Variants in KDM2A observed in about 807,000 individuals in gnomAD.
The protein encoded by KDM2A is lysine demethylase 2A.
KDM2A carries 3 observed loss-of-function variants against 137.3 expected under a neutral mutation model. That is an observed-to-expected ratio of 0.02 (90% CI 0.01 to 0.06). The LOEUF (loss-of-function observed/expected upper bound fraction) is 0.06. Among genes scored for constraint, KDM2A ranks in the 10% least tolerant of loss-of-function variants. KDM2A has a pLI of 1.00. For missense variants in KDM2A, 738 were observed against 1,510.6 expected, an observed-to-expected ratio of 0.49 and a Z score of 8.48; for synonymous variants, 512 against 541.5, an observed-to-expected ratio of 0.95 and a Z score of 0.76.
At chr11:67,120,806 T>C (rs1233887024) in intron 1 of KDM2A, among the ~76,000 whole-genome samples, 1 of 152,236 alleles carries the variant, frequency 6.6e-6, no homozygotes, top group Non-Finnish European at 1.5e-5. Flanking sequence ...TTTGCCCTTC[T>C]TTCCTTTAGT....
chr11:67,247,072 T>TATATATATATATATA (rs1491570916), intron 15 of KDM2A, among the ~76,000 whole-genome samples: 4 of 18,342 alleles, frequency 2.2e-4, no homozygotes, highest in East Asian at 1.5e-3. Flanking sequence ...TATATATATA[T>TATATATATATATATA]TTTTTTTTTT....
chr11:67,174,978 G>A (rs530119513), intron 2 of KDM2A, among the ~76,000 whole-genome samples: 126 of 152,236 alleles, frequency 8.3e-4, no homozygotes, highest in Admixed American at 2.0e-3. Context: ...CTAAAATCAC[G>A]TATATGAAAA....
chr11:67,143,020 C>CTTTTT (rs1194089199), intron 2 of KDM2A, among the ~76,000 whole-genome samples: 2 of 126,434 alleles, frequency 1.6e-5, no homozygotes, highest in Admixed American at 8.0e-5. Flanking sequence ...TATATCTATT[C>CTTTTT]TTTTTTTTTT....
At chr11:67,147,466 T>G (rs1230542173) in intron 2 of KDM2A, among the ~76,000 whole-genome samples, 1 of 150,328 alleles carries the variant, frequency 6.7e-6, no homozygotes, top group Non-Finnish European at 1.5e-5. Context: ...GGCATGAACC[T>G]GGGAGGTGGA....
chr11:67,220,337 A>T (rs1273368611), intron 10 of KDM2A, among the ~76,000 whole-genome samples: 1 of 152,190 alleles, frequency 6.6e-6, no homozygotes, highest in South Asian at 2.1e-4. Context: ...ATAAGGCCAG[A>T]CATTTACCTC....
chr11:67,223,804 C>G (rs988231126), intron 10 of KDM2A, among the ~76,000 whole-genome samples: 2 of 152,030 alleles, frequency 1.3e-5, no homozygotes, highest in Non-Finnish European at 2.9e-5. Context: ...TAATAAAAAC[C>G]CTTCCAGAAA....
At chr11:67,215,540 C>A in intron 7 of KDM2A, 94 bp downstream of exon 7, 1 of 785,670 alleles carries the variant, frequency 1.3e-6, no homozygotes. Context: ...TGCTCTGTGT[C>A]TTGAATGATT....
intron 2 of KDM2A, among the ~76,000 whole-genome samples, chr11:67,167,345 A>G (rs973886544): frequency 1.3e-5 from 2 of 152,180 alleles, no homozygotes; most frequent in Non-Finnish European, 2.9e-5. Context: ...AGTTGATTAT[A>G]CCTGATGGTA....
intron 2 of KDM2A, among the ~76,000 whole-genome samples, chr11:67,167,650 C>G (rs143452376): frequency 1.3e-5 from 2 of 151,352 alleles, no homozygotes; most frequent in Non-Finnish European, 2.9e-5. Context: ...GACTTAGGTA[C>G]GCATAAGCTT....
At chr11:67,199,496 A>ATCAC (rs1476065841) in intron 5 of KDM2A, among the ~76,000 whole-genome samples, 12 of 152,362 alleles carry the variant, frequency 7.9e-5, no homozygotes, top group African/African-American at 2.2e-4. Flanking sequence ...AAACAGCCTT[A>ATCAC]TCACTGATAA....
At chr11:67,188,570 T>G (rs1028121841) in intron 5 of KDM2A, among the ~76,000 whole-genome samples, 4 of 150,372 alleles carry the variant, frequency 2.7e-5, no homozygotes, top group African/African-American at 9.8e-5. Context: ...GCGGGAAGAT[T>G]GCTTAAGCCC....
intron 10 of KDM2A, among the ~76,000 whole-genome samples, chr11:67,227,430 G>A (rs1440248222): frequency 6.6e-6 from 1 of 151,982 alleles, no homozygotes; most frequent in East Asian, 1.9e-4. Flanking sequence ...AGAGTACTTT[G>A]CATGCCTTTT....
intron 5 of KDM2A, among the ~76,000 whole-genome samples, chr11:67,198,176 C>G (rs1857527015): frequency 6.6e-6 from 1 of 152,110 alleles, no homozygotes; most frequent in African/African-American, 2.4e-5. Flanking sequence ...TAGTTCAAAC[C>G]AGTGTTGTTC....
At chr11:67,184,097 C>CA (rs34270166) in intron 5 of KDM2A, among the ~76,000 whole-genome samples, 10,421 of 65,976 alleles carry the variant, frequency 0.16, 729 homozygotes, top group African/African-American at 0.29. Context: ...GACCCTGTCT[C>CA]AAAAAAAAAA....
intron 8 of KDM2A, 140 bp from the exon 9 acceptor site, chr11:67,217,591 A>G (rs1858208265): frequency 2.7e-6 from 2 of 736,454 alleles, no homozygotes; most frequent in Non-Finnish European, 4.6e-6. Flanking sequence ...GGTTTACCAC[A>G]TAGTCAAGTT....
intron 2 of KDM2A, among the ~76,000 whole-genome samples, chr11:67,145,283 G>A (rs7930094): frequency 3.3e-5 from 5 of 151,264 alleles, no homozygotes; most frequent in African/African-American, 9.7e-5. Context: ...TCAGGAGTTC[G>A]AGACCAGTCT....
intron 2 of KDM2A, among the ~76,000 whole-genome samples, chr11:67,156,663 G>A (rs1856521770): frequency 6.7e-6 from 1 of 150,102 alleles, no homozygotes; most frequent in Non-Finnish European, 1.5e-5. Flanking sequence ...AGCTTGCAGT[G>A]AGCCGAGATG....
intron 2 of KDM2A, among the ~76,000 whole-genome samples, chr11:67,154,984 G>A (rs951638554): frequency 2.0e-5 from 3 of 152,126 alleles, no homozygotes; most frequent in Non-Finnish European, 2.9e-5. Flanking sequence ...CAGCATTTGT[G>A]TGTAAATATT....
intron 5 of KDM2A, among the ~76,000 whole-genome samples, chr11:67,182,192 C>T (rs982397786): frequency 6.6e-6 from 1 of 152,104 alleles, no homozygotes. Context: ...CATCTCTTAG[C>T]CAAGAAAGAA....
Sources: gnomAD v4.1 joint callset for allele counts (sites outside exome capture counted in the v4.1 genomes callset) on GRCh38, gnomAD v4.1.1 for gene constraint, MANE v1.5 for transcripts, NCBI Gene and HGNC (gene_info 2026-07-23, HGNC 2026-07-21) for gene names.